NBEAL1: variants seen among roughly 807,000 people sequenced by gnomAD.
NBEAL1 encodes the protein neurobeachin-like protein 1.
A neutral mutation model predicts 351.3 loss-of-function variants in NBEAL1; 273 were observed. The ratio of observed to expected loss-of-function variants is 0.78; its 90% CI spans 0.70 to 0.86. NBEAL1 has a LOEUF of 0.86. NBEAL1 is among the 40% of genes least tolerant of loss of function. The probability of loss-of-function intolerance (pLI) is 0.00; values close to 1 mark genes in which losing one functional copy is unlikely to be tolerated. For missense variants in NBEAL1, 2,961 were observed against 3,201.3 expected (o/e 0.92, Z 1.81); for synonymous variants, 1,050 against 1,086.4 (o/e 0.97, Z 0.66).
In NBEAL1 at chr2:203,208,655, T is replaced by C. The variant is rs2065679436; in HGVS notation, c.7525T>C (p.Leu2509=). The C allele has an allele frequency of 6.2e-7, 1 of 1,609,926 alleles. No individual in the cohort carries two copies. The highest frequency in any genetic ancestry group is 8.5e-7 in the Non-Finnish European group (1 of 1,178,944). The change falls in exon 52 of 56, where the codon TTA becomes CTA. Residue 2509 remains leucine, a synonymous_variant. Coordinates refer to ENST00000683969, the MANE Select transcript of NBEAL1 (RefSeq NM_001378026.1). ...TTATTAGGGAGGTGTTCCTGTGGGC[T>C]TAGCATCTAAACCTTTTCAGATTCT... The part of the protein sequence containing the change: ...ITQQGGVPVG[L]ASKPFQILYG...
chr2:203,117,545 A>G (rs951800295), intron 18 of NBEAL1, among the ~76,000 whole-genome samples: 5 of 152,148 alleles, frequency 3.3e-5, no homozygotes, highest in Admixed American at 1.3e-4. Flanking sequence ...AGCAATTAAT[A>G]TTTTTGCTAC....
chr2:203,065,709 G>A (rs1222933068), intron 6 of NBEAL1, among the ~76,000 whole-genome samples: 4 of 151,972 alleles, frequency 2.6e-5, no homozygotes, highest in South Asian at 2.1e-4. Flanking sequence ...CCGAGATTGC[G>A]CCACTGCACT....
chr2:203,151,617 T>C, intron 35 of NBEAL1, 28 bp downstream of exon 35: 1 of 1,567,548 alleles, frequency 6.4e-7, no homozygotes, highest in Admixed American at 2.0e-5. Context: ...TTTAATTGTT[T>C]GTTGAAGATA....
intron 25 of NBEAL1, among the ~76,000 whole-genome samples, chr2:203,130,808 A>G (rs1036382410): frequency 7.2e-5 from 11 of 152,316 alleles, no homozygotes; most frequent in Admixed American, 2.0e-4. Flanking sequence ...AGCAACCACT[A>G]TATGTCAGGA....
intron 6 of NBEAL1, among the ~76,000 whole-genome samples, chr2:203,066,219 G>C (rs914478370): frequency 3.3e-5 from 5 of 152,006 alleles, no homozygotes; most frequent in Non-Finnish European, 5.9e-5. Context: ...TAGGTTGTTT[G>C]GATAGGATAT....
chr2:203,016,297 T>C lies in NBEAL1; in HGVS notation c.-88T>C. On this transcript the variant is annotated 5_prime_UTR_variant, in exon 2 of 56. Transcript: ENST00000683969. ...ACTGCTATGAGCTTTACTGAACGGC[T>C]GAAAAACTTGGAAAATAAAATGGAC... 2.1e-6 allele frequency: 2 copies of C among 946,822 alleles called. No individual in the cohort carries two copies. The highest frequency in any genetic ancestry group is 2.7e-5 in the East Asian group (1 of 36,432). The allele number at this position is 946,822 out of a possible 1,614,324, so 58.7% of individuals were successfully genotyped here.
Position 203,119,424 on chromosome 2 carries a change from C to CTTTTT in NBEAL1, c.2593-2814_2593-2810dup, listed in dbSNP as rs57126638. ...GTGAGCCACTGCATACGGCCTGTTGCTTTTTTTTTTTTTTTTTTTTGAGAC... is the reference window on the plus strand; with the variant it reads ...GTGAGCCACTGCATACGGCCTGTTGCTTTTTTTTTTTTTTTTTTTTTTTTTGAGAC... On this transcript the variant is annotated intron_variant, in intron 18 of 55. Transcript: ENST00000683969. Among the ~76,000 whole-genome samples the CTTTTT allele has an allele frequency of 6.9e-3, 457 of 66,642 alleles. 105 individuals carry two copies. The highest frequency in any genetic ancestry group is 0.019 in the African/African-American group (327 of 17,522). 43.7% of individuals were successfully genotyped at this position (66,642 alleles called of 152,430 possible). A position where few individuals can be genotyped will look rare whatever the true frequency, so the allele number is the denominator to read the frequency against.
intron 3 of NBEAL1, among the ~76,000 whole-genome samples, chr2:203,043,688 C>T (rs181518977): frequency 1.1e-4 from 17 of 149,846 alleles, no homozygotes; most frequent in African/African-American, 4.2e-4. Flanking sequence ...GTGATCGTGC[C>T]ACTGCACTCC....
At chr2:203,053,615 C>A (rs1331838290) in intron 4 of NBEAL1, among the ~76,000 whole-genome samples, 1 of 151,950 alleles carries the variant, frequency 6.6e-6, no homozygotes, top group Non-Finnish European at 1.5e-5. Flanking sequence ...CTCAAGTTAT[C>A]CTCCTTCTTC....
Position 203,217,688 on chromosome 2 carries a change from C to G in NBEAL1, c.*334C>G, listed in dbSNP as rs1046991661. Reference sequence around the variant, plus strand: ...TAATAAAAGAGTACAGATAATGGGACAGTTGAGAGAGATGGCTTTAAATAC... The same window carrying G: ...TAATAAAAGAGTACAGATAATGGGAGAGTTGAGAGAGATGGCTTTAAATAC... On this transcript the variant is annotated 3_prime_UTR_variant, in exon 56 of 56. Coordinates refer to ENST00000683969, the MANE Select transcript of NBEAL1 (RefSeq NM_001378026.1). 2.1e-6 allele frequency: 2 copies of G among 964,748 alleles called. No homozygotes were observed. The highest frequency in any genetic ancestry group is 1.8e-5 in the African/African-American group (1 of 56,994). 59.8% of individuals were successfully genotyped at this position (964,748 alleles called of 1,614,324 possible). A position where few individuals can be genotyped will look rare whatever the true frequency, so the allele number is the denominator to read the frequency against.
Position 203,218,047 on chromosome 2 carries a change from A to C in NBEAL1, c.*693A>C. The C allele has an allele frequency of 3.0e-6, 2 of 669,966 alleles. No homozygotes were observed. The highest frequency in any genetic ancestry group is 3.7e-6 in the Non-Finnish European group (2 of 542,144). The allele number at this position is 669,966 out of a possible 1,614,324, so 41.5% of individuals were successfully genotyped here. A position where few individuals can be genotyped will look rare whatever the true frequency, so the allele number is the denominator to read the frequency against. On this transcript the variant is annotated 3_prime_UTR_variant, in exon 56 of 56. Transcript: ENST00000683969. ...AATAATATAATTAAGCAAAAGTGCT[A>C]ATTGTGATTTTGACAGTTGGGCCTT...
intron 53 of NBEAL1, among the ~76,000 whole-genome samples, chr2:203,210,570 A>G (rs1016826298): frequency 7.9e-5 from 12 of 152,024 alleles, no homozygotes; most frequent in African/African-American, 2.9e-4. Context: ...AGGCTGAGGC[A>G]GGAGAATGGT....
At chr2:203,198,592 G>A (rs557214126) in intron 48 of NBEAL1, among the ~76,000 whole-genome samples, 17 of 152,160 alleles carry the variant, frequency 1.1e-4, no homozygotes, top group Middle Eastern at 3.4e-3. Flanking sequence ...TGGGCTGAGC[G>A]CAGTGGCTCA....
chr2:203,135,460 C>T (rs938088299), intron 27 of NBEAL1, among the ~76,000 whole-genome samples: 3 of 152,086 alleles, frequency 2.0e-5, no homozygotes, highest in Non-Finnish European at 4.4e-5. Flanking sequence ...TTAGTGTACT[C>T]TTACTCTGTA....
intron 19 of NBEAL1, among the ~76,000 whole-genome samples, chr2:203,123,243 C>T (rs1409769543): frequency 6.6e-6 from 1 of 151,328 alleles, no homozygotes; most frequent in Non-Finnish European, 1.5e-5. Flanking sequence ...ATTAATCTAT[C>T]AATTAGTGTT....
chr2:203,183,303 T>C lies in NBEAL1; in HGVS notation c.6620T>C (p.Ile2207Thr). 1.3e-6 allele frequency: 2 copies of C among 1,590,924 alleles called. No homozygotes were observed. Among genetic ancestry groups the C allele is most frequent in the Non-Finnish European group, 1.7e-6 (2 of 1,169,140 alleles). Reference protein sequence around the residue: ...QNQFNLGRLQISKELVNDVIL... With the variant: ...QNQFNLGRLQTSKELVNDVIL... ...GAATTTAACTTGGGTCGTCTACAGA[T>C]TTCCAAAGAATTAGTAAATGATGTC... Residue 2207 changes from isoleucine (I) to threonine (T), a missense_variant, in exon 44 of 56, where the codon ATT becomes ACT. Transcript: ENST00000683969.
intron 10 of NBEAL1, among the ~76,000 whole-genome samples, chr2:203,089,373 A>AG (rs1432735652): frequency 6.6e-6 from 1 of 151,856 alleles, no homozygotes; most frequent in Non-Finnish European, 1.5e-5. Context: ...AAAAAAAAAA[A>AG]GATCCCCACT....
At position 203,217,827 on chromosome 2, in the gene NBEAL1, A is replaced by T; in HGVS notation, c.*473A>T. On this transcript the variant is annotated 3_prime_UTR_variant, in exon 56 of 56. Coordinates refer to ENST00000683969, the MANE Select transcript of NBEAL1 (RefSeq NM_001378026.1). ...TTAAAGGTATCTGTTGCACACTTGG[A>T]TTTTCAAAACTCGGTGAAAGTTACA... The T allele has an allele frequency of 1.0e-6, 1 of 985,292 alleles. No individual in the cohort carries two copies. The highest frequency in any genetic ancestry group is 1.2e-6 in the Non-Finnish European group (1 of 829,838). 61.0% of individuals were successfully genotyped at this position (985,292 alleles called of 1,614,324 possible).
intron 2 of NBEAL1, among the ~76,000 whole-genome samples, chr2:203,030,999 C>G (rs74562341): frequency 6.6e-6 from 1 of 152,296 alleles, no homozygotes; most frequent in African/African-American, 2.4e-5. Context: ...TGAACAGATT[C>G]TATATATCAC....
Sources: allele counts gnomAD v4.1 joint callset (sites outside exome capture counted in the v4.1 genomes callset), GRCh38; gene constraint gnomAD v4.1.1; transcripts MANE v1.5; gene names NCBI Gene and HGNC (gene_info 2026-07-23, HGNC 2026-07-21).